The following CYRIA variants were observed in gnomAD, a reference collection of about 807,000 sequenced individuals.
CYRIA encodes the protein CYFIP-related Rac1 interactor A.
In CYRIA, 15 loss-of-function variants were observed where a neutral mutation model predicts 43.9. That is an observed-to-expected ratio of 0.34 (90% CI 0.23 to 0.53). The LOEUF (loss-of-function observed/expected upper bound fraction) is 0.53, where lower values mean the gene tolerates loss of function less well. Among genes scored for constraint, CYRIA ranks in the 20% least tolerant of loss-of-function variants. The pLI is 0.94. For missense variants in CYRIA, 236 were observed against 394.2 expected, an observed-to-expected ratio of 0.60 and a Z score of 3.40; for synonymous variants, 117 against 136.0, an observed-to-expected ratio of 0.86 and a Z score of 0.97.
chr2:16,573,973 A>T (rs1450350927), intron 3 of CYRIA, among the ~76,000 whole-genome samples: 2 of 152,346 alleles, frequency 1.3e-5, no homozygotes, highest in East Asian at 3.9e-4. Context: ...ACTTGATAAC[A>T]GACAGAGGTT....
intron 3 of CYRIA, 146 bp downstream of exon 3, chr2:16,587,904 T>A (rs1050242409): frequency 1.7e-5 from 9 of 516,230 alleles, no homozygotes; most frequent in African/African-American, 1.4e-4. Flanking sequence ...CTCATGTATG[T>A]CTTTATTAGC....
At position 16,645,879 on chromosome 2, in the gene CYRIA, A is replaced by G. The variant is rs191644051; in HGVS notation, c.-167+19901T>C. On this transcript the variant is annotated intron_variant, in intron 1 of 11. Transcript: ENST00000381323. The stretch of plus-strand genomic sequence containing the variant: ...GGTATAAGAAAAGAAAGAGAACACG[A>G]AAAAGACCCTGTCCCCAGATGATTT... Among the ~76,000 whole-genome samples, 3 of 152,372 alleles carry G rather than the reference A, an allele frequency of 2.0e-5. No individual in the cohort carries two copies. In the East Asian group the frequency reaches 5.8e-4, roughly 29 times the overall value.
In CYRIA at chr2:16,564,183, T is replaced by C. The variant is rs76204141; in HGVS notation, c.193-89A>G. On this transcript the variant is annotated intron_variant, in intron 4 of 11. Coordinates refer to ENST00000381323, the MANE Select transcript of CYRIA (RefSeq NM_030797.4). Reference sequence around the variant, plus strand: ...TAAGATTTAGTTTAAAATACAATCCTTGCTATACTTTGCTGATGTATACTA... The same window carrying C: ...TAAGATTTAGTTTAAAATACAATCCCTGCTATACTTTGCTGATGTATACTA... 7,236 of 972,852 alleles carry C rather than the reference T, an allele frequency of 7.4e-3. 321 individuals carry two copies. The African/African-American group carries it at 0.1, about 13-fold the overall frequency. 60.3% of individuals were successfully genotyped at this position (972,852 alleles called of 1,614,324 possible).
rs115942654 is a variant in CYRIA, at chr2:16,650,540, T to C, written c.-167+15240A>G. On this transcript the variant is annotated intron_variant, in intron 1 of 11. Transcript: ENST00000381323. This position sits in a 1 kb window ranked among gnomAD's most constrained non-coding sequence, Gnocchi z 4.1. The stretch of plus-strand genomic sequence containing the variant: ...ACAATAGAACAAATGCAGAACCTTC[T>C]CCGTTAAGCTTCATGGGCTGGCAGC... Among the ~76,000 whole-genome samples, 1,387 of 152,278 alleles carry C rather than the reference T, an allele frequency of 9.1e-3. 17 individuals are homozygous for C. The highest frequency in any genetic ancestry group is 0.031 in the African/African-American group (1,288 of 41,556).
intron 2 of CYRIA, among the ~76,000 whole-genome samples, chr2:16,616,618 C>G (rs1443119031): frequency 6.6e-6 from 1 of 152,238 alleles, no homozygotes; most frequent in Non-Finnish European, 1.5e-5. Context: ...CTGGCCTCGG[C>G]TTTGCAACTC....
At chr2:16,565,834 A>T (rs1666910404) in intron 3 of CYRIA, 67 bp from the exon 4 acceptor site, 22 of 1,416,652 alleles carry the variant, frequency 1.6e-5, no homozygotes, top group Non-Finnish European at 2.0e-5. Flanking sequence ...GAGGATGGAT[A>T]TTCAGTTTTA....
intron 1 of CYRIA, among the ~76,000 whole-genome samples, chr2:16,646,742 A>G (rs1309421719): frequency 6.6e-6 from 1 of 152,204 alleles, no homozygotes; most frequent in Non-Finnish European, 1.5e-5. Flanking sequence ...CAGTAGAAAG[A>G]GTAAAGTGGG....
At chr2:16,634,775 C>A (rs948618985) in intron 1 of CYRIA, among the ~76,000 whole-genome samples, 2 of 152,186 alleles carry the variant, frequency 1.3e-5, no homozygotes, top group Admixed American at 1.3e-4. Flanking sequence ...CTCACCAGAT[C>A]CAACTGTACA....
chr2:16,588,939 T>C (rs1302463457), intron 2 of CYRIA, among the ~76,000 whole-genome samples: 1 of 152,114 alleles, frequency 6.6e-6, no homozygotes, highest in African/African-American at 2.4e-5. Flanking sequence ...ACAAACCTCT[T>C]ACATATCAGC....
intron 2 of CYRIA, among the ~76,000 whole-genome samples, chr2:16,593,871 C>T (rs1668022460): frequency 6.8e-6 from 1 of 146,878 alleles, no homozygotes; most frequent in Non-Finnish European, 1.5e-5. Context: ...TGCTATCCCT[C>T]CCCCCGACCC....
At chr2:16,660,149 A>G (rs1214390312) in intron 1 of CYRIA, among the ~76,000 whole-genome samples, 1 of 152,172 alleles carries the variant, frequency 6.6e-6, no homozygotes, top group Non-Finnish European at 1.5e-5. Context: ...CTGTCACTAG[A>G]GGAAATGAGT....
At chr2:16,575,772 C>T (rs530485135) in intron 3 of CYRIA, among the ~76,000 whole-genome samples, 54 of 152,062 alleles carry the variant, frequency 3.6e-4, no homozygotes, top group Non-Finnish European at 5.7e-4. Flanking sequence ...AGGAGAATGG[C>T]GTGAACCCAG....
chr2:16,570,145 A>G (rs1667076736), intron 3 of CYRIA, among the ~76,000 whole-genome samples: 1 of 151,754 alleles, frequency 6.6e-6, no homozygotes, highest in Admixed American at 6.6e-5. Context: ...CTCTGTCTCT[A>G]CTCCCAAAAT....
chr2:16,565,850 T>C (rs1249843809), intron 3 of CYRIA, 83 bp from the exon 4 acceptor site: 11 of 1,294,848 alleles, frequency 8.5e-6, no homozygotes, highest in African/African-American at 1.5e-5. Flanking sequence ...TTTTACCTGC[T>C]TGACAATCCT....
At chr2:16,573,087 G>A (rs1192326529) in intron 3 of CYRIA, among the ~76,000 whole-genome samples, 6 of 152,172 alleles carry the variant, frequency 3.9e-5, no homozygotes, top group Non-Finnish European at 8.8e-5. Flanking sequence ...GTTTCTGCCC[G>A]AGGAATGCAA....
At chr2:16,591,152 TTTA>T (rs1429229310) in intron 2 of CYRIA, among the ~76,000 whole-genome samples, 3 of 152,172 alleles carry the variant, frequency 2.0e-5, no homozygotes, top group East Asian at 1.9e-4. Context: ...AGCTTATTTT[TTTA>T]TTATTTTATC....
chr2:16,568,227 G>GAAAAAAAAA (rs71400699), intron 3 of CYRIA, among the ~76,000 whole-genome samples: 1 of 88,754 alleles, frequency 1.1e-5, no homozygotes, highest in Non-Finnish European at 2.3e-5. Flanking sequence ...TTCAAAATCA[G>GAAAAAAAAA]AAAAAAAAAA....
intron 3 of CYRIA, among the ~76,000 whole-genome samples, chr2:16,586,473 AC>A (rs1331026866): frequency 2.0e-5 from 3 of 152,096 alleles, no homozygotes; most frequent in Admixed American, 6.6e-5. Flanking sequence ...CTCTAGCTAA[AC>A]CCCTTACCAA....
intron 1 of CYRIA, among the ~76,000 whole-genome samples, chr2:16,630,969 G>C (rs760081916): frequency 6.6e-6 from 1 of 152,286 alleles, no homozygotes; most frequent in South Asian, 2.1e-4. Context: ...TGTGGAGTCT[G>C]AGCCTGACCA....
Sources: allele counts gnomAD v4.1 joint callset (sites outside exome capture counted in the v4.1 genomes callset), GRCh38; gene constraint gnomAD v4.1.1; non-coding constraint Gnocchi (gnomAD v3.1); transcripts MANE v1.5; gene names NCBI Gene and HGNC (gene_info 2026-07-23, HGNC 2026-07-21).